SBNO2: variants seen among roughly 807,000 people sequenced by gnomAD.
The protein encoded by SBNO2 is strawberry notch homolog 2, also known as protein strawberry notch homolog 2.
A neutral mutation model predicts 146.3 loss-of-function variants in SBNO2; 89 were observed. The ratio of observed to expected loss-of-function variants is 0.61; its 90% CI spans 0.51 to 0.73. SBNO2 has a LOEUF of 0.73. SBNO2 is among the 30% of genes least tolerant of loss of function. The pLI is 0.00. For synonymous variants in SBNO2, 1,147 were observed against 892.6 expected, an observed-to-expected ratio of 1.29 and a Z score of -5.08; for missense variants, 2,092 against 2,003.7, an observed-to-expected ratio of 1.04 and a Z score of -0.84.
intron 2 of SBNO2, among the ~76,000 whole-genome samples, chr19:1,151,639 A>C (rs1441473448): frequency 6.6e-6 from 1 of 151,864 alleles, no homozygotes; most frequent in Non-Finnish European, 1.5e-5. Context: ...CTGCCCAGAC[A>C]ATCAGAGCCT....
Position 1,114,321 on chromosome 19 carries a change from G to A in SBNO2, c.1987C>T (p.Leu663=). 2 of 1,556,804 alleles carry A rather than the reference G, an allele frequency of 1.3e-6. No homozygotes were observed. Among genetic ancestry groups the A allele is most frequent in the Non-Finnish European group, 1.7e-6 (2 of 1,150,362 alleles). ...DDSSTESDPG[L]DSDFNSSPES... ...GGGGAGGAGTTGAAGTCGCTGTCCA[G>A]GCCAGGGTCCGACTCCGTGCTGCTG... Residue 663 remains leucine (L), a synonymous_variant, in exon 18 of 32, where the codon CTG becomes TTG. Coordinates refer to ENST00000361757, the MANE Select transcript of SBNO2 (RefSeq NM_014963.3).
intron 7 of SBNO2, 34 bp from the exon 8 acceptor site, chr19:1,123,079 G>T: frequency 6.3e-7 from 1 of 1,582,020 alleles, no homozygotes; most frequent in Non-Finnish European, 8.6e-7. Context: ...AAGGTAAAGG[G>T]TATGGCCAAG....
In SBNO2 at chr19:1,127,622, G is replaced by A. The variant is rs556748239; in HGVS notation, c.423C>T (p.Ala141=). ...QVSTIWDDNP[A]PSTHDKLFQL... ...CACTGACCTTATCGTGGGTGGAGGG[G>A]GCAGGGTTATCGTCCCAGATGGTGG... is the stretch of plus-strand genomic sequence containing the variant. The change falls in exon 5 of 32, where the codon GCC becomes GCT. Residue 141 remains alanine, a synonymous_variant. Coordinates refer to ENST00000361757, the MANE Select transcript of SBNO2 (RefSeq NM_014963.3). The A allele has an allele frequency of 2.0e-5, 32 of 1,613,098 alleles. No individual in the cohort carries two copies. The highest frequency in any genetic ancestry group is 1.1e-4 in the African/African-American group (8 of 75,062).
rs1355157759 is a variant in SBNO2 at position 1,108,394 on chromosome 19, G to C, written c.3927C>G (p.Asp1309Glu). The change falls in exon 32 of 32, where the codon GAC becomes GAG. Residue 1309 changes from aspartate (D) to glutamate (E), a missense_variant. Coordinates refer to ENST00000361757, the MANE Select transcript of SBNO2 (RefSeq NM_014963.3). The stretch of plus-strand genomic sequence containing the variant: ...CCTCCAGCACCTCCTTGAAGTTGAT[G>C]TCGCAGCCCTGGTGCGCGAGGGCCG... ...DPAALAHQGC[D>E]INFKEVLEDM... 3 of 1,284,124 alleles carry C rather than the reference G, an allele frequency of 2.3e-6. No individual in the cohort carries two copies. The highest frequency in any genetic ancestry group is 3.0e-6 in the Non-Finnish European group (3 of 1,009,790). The allele number at this position is 1,284,124 out of a possible 1,614,324, so 79.5% of individuals were successfully genotyped here.
chr19:1,113,700 G>C lies in SBNO2; in HGVS notation c.2082C>G (p.Pro694=), dbSNP rs1197703627. 1 of 1,551,908 alleles carries C rather than the reference G, an allele frequency of 6.4e-7. No homozygotes were observed. Among genetic ancestry groups the C allele is most frequent in the Non-Finnish European group, 8.7e-7 (1 of 1,151,526 alleles). The change falls in exon 19 of 32, where the codon CCC becomes CCG. Residue 694 remains proline (P), a synonymous_variant. Coordinates refer to ENST00000361757, the MANE Select transcript of SBNO2 (RefSeq NM_014963.3). ...AVGLPSDDRG[P]LCLLQRDPHG... ...GCGGGTCTCTCTGCAGGAGGCACAG[G>C]GGTCCTAGGGAGGAGGTGGAGGGTC...
chr19:1,122,515 G>T lies in SBNO2; in HGVS notation c.958C>A (p.Leu320Met). Reference sequence around the variant, plus strand: ...ATGCCCGTGGCTTCGATGTCCCGCAGGTCGCGCTCCGCATCGTACTTGAGG... The same window carrying T: ...ATGCCCGTGGCTTCGATGTCCCGCATGTCGCGCTCCGCATCGTACTTGAGG... ...NDLKYDAERDLRDIEATGIAV... is the reference protein window; with the variant it reads ...NDLKYDAERDMRDIEATGIAV... The change falls in exon 10 of 32, where the codon CTG (leucine) becomes ATG (methionine). Residue 320 changes from leucine (L) to methionine (M), a missense_variant. Physicochemically the swap from Leu to Met is conservative, Grantham distance 15. Coordinates refer to ENST00000361757, the MANE Select transcript of SBNO2 (RefSeq NM_014963.3). The T allele has an allele frequency of 7.7e-6, 12 of 1,566,926 alleles. No individual in the cohort carries two copies. The highest frequency in any genetic ancestry group is 1.0e-5 in the Non-Finnish European group (12 of 1,158,196).
At chr19:1,130,768 G>C (rs922834094) in intron 4 of SBNO2, among the ~76,000 whole-genome samples, 3 of 152,180 alleles carry the variant, frequency 2.0e-5, no homozygotes, top group African/African-American at 7.2e-5. Context: ...CACCAGCCTG[G>C]GTGACAGAGC....
Position 1,109,486 on chromosome 19 carries a change from G to C in SBNO2, c.3216+20C>G, listed in dbSNP as rs777876651. ...CCCCCGCGGGCCCTCCTCTGGGGGGGTAACCCCGCCCGACCCCACCTTGTA... is the reference window on the plus strand; with the variant it reads ...CCCCCGCGGGCCCTCCTCTGGGGGGCTAACCCCGCCCGACCCCACCTTGTA... On this transcript the variant is annotated intron_variant, in intron 28 of 31. Coordinates refer to ENST00000361757, the MANE Select transcript of SBNO2 (RefSeq NM_014963.3). The surrounding 1 kb of genome is among the most constrained non-coding windows in gnomAD (Gnocchi z 4.2). 3.8e-6 allele frequency: 6 copies of C among 1,581,428 alleles called. No homozygotes were observed. Among genetic ancestry groups the C allele is most frequent in the Non-Finnish European group, 5.1e-6 (6 of 1,165,494 alleles).
chr19:1,118,876 A>T, intron 14 of SBNO2, 135 bp downstream of exon 14: 1 of 893,608 alleles, frequency 1.1e-6, no homozygotes, highest in Non-Finnish European at 1.6e-6. Flanking sequence ...TCTCAAAAAA[A>T]CAACAAAAAA....
rs2080282728 is a variant in SBNO2, at chr19:1,155,543, TA to T, written c.-126-1142del. Among the ~76,000 whole-genome samples the T allele has an allele frequency of 2.6e-5, 4 of 152,294 alleles. No homozygotes were observed. In the South Asian group the frequency reaches 8.3e-4, roughly 32 times the overall value. ...CGACACCCTTGCCAGAACGGCCCTT[TA>T]GGGGAAGGGACAGGCCCGCTGGGAT... On this transcript the variant is annotated intron_variant, in intron 1 of 31. Transcript: ENST00000361757.
rs1419771887 is a variant in SBNO2 at position 1,110,609 on chromosome 19, C to T, written c.3028+136G>A. ...GAGCCCCTCGCCCACCCGGGATGCA[C>T]GGTGTTCCCACGAGCCCCTCGCCCA... On this transcript the variant is annotated intron_variant, in intron 26 of 31. Transcript: ENST00000361757. This position sits in a 1 kb window ranked among gnomAD's most constrained non-coding sequence, Gnocchi z 4.9. The T allele has an allele frequency of 1.5e-5, 16 of 1,059,076 alleles. No homozygotes were observed. Among genetic ancestry groups the T allele is most frequent in the East Asian group, 2.9e-5 (1 of 34,658 alleles). 65.6% of individuals were successfully genotyped at this position (1,059,076 alleles called of 1,614,324 possible). A position where few individuals can be genotyped will look rare whatever the true frequency, so the allele number is the denominator to read the frequency against.
chr19:1,167,518 G>A (rs1599888253), intron 1 of SBNO2, among the ~76,000 whole-genome samples: 1 of 152,198 alleles, frequency 6.6e-6, no homozygotes, highest in South Asian at 2.1e-4. Flanking sequence ...GGGGAGCCAC[G>A]TCCCCCATCA....
At position 1,136,971 on chromosome 19, in the gene SBNO2, AGGG is replaced by A. The variant is rs145686910; in HGVS notation, c.280-9209_280-9207del. Among the ~76,000 whole-genome samples the A allele has an allele frequency of 0.016, 2,494 of 151,456 alleles. 55 individuals are homozygous for A. Among genetic ancestry groups the A allele is most frequent in the African/African-American group, 0.057 (2,352 of 41,204 alleles). ...GTCCTCACAGGACAGGTGGTGGGCA[AGGG>A]GGCAGCACCTGGGGAATGGGGATGG... is the stretch of plus-strand genomic sequence containing the variant. On this transcript the variant is annotated intron_variant, in intron 4 of 31. Transcript: ENST00000361757. This position sits in a 1 kb window ranked among gnomAD's most constrained non-coding sequence, Gnocchi z 4.2.
intron 4 of SBNO2, among the ~76,000 whole-genome samples, chr19:1,131,055 T>C (rs1179234374): frequency 1.3e-5 from 2 of 152,146 alleles, no homozygotes; most frequent in African/African-American, 4.8e-5. Context: ...CCCCCCACAG[T>C]GGCTCCGTCC....
chr19:1,109,425 T>G lies in SBNO2; in HGVS notation c.3217-2A>C. Reference sequence around the variant, plus strand: ...GCAGCTGGGCTTGTTACCGCGGACCTGCGGAGGGGGGCGTTGAGGCCGCGC... The same window carrying G: ...GCAGCTGGGCTTGTTACCGCGGACCGGCGGAGGGGGGCGTTGAGGCCGCGC... On this transcript the variant is annotated splice_acceptor_variant, in intron 28 of 31. Transcript: ENST00000361757. LOFTEE classifies it high-confidence loss of function. The surrounding 1 kb of genome is among the most constrained non-coding windows in gnomAD (Gnocchi z 4.2). The G allele has an allele frequency of 6.4e-7, 1 of 1,564,378 alleles. No homozygotes were observed. Among genetic ancestry groups the G allele is most frequent in the Non-Finnish European group, 8.7e-7 (1 of 1,155,548 alleles).
chr19:1,158,067 G>A lies in SBNO2; in HGVS notation c.-126-3665C>T, dbSNP rs1168754091. The stretch of plus-strand genomic sequence containing the variant: ...CTCCTGAGTCCGGGTAACTGCGGCC[G>A]CCTCCCGCCTCTTTCTTCTGAGCCT... On this transcript the variant is annotated intron_variant, in intron 1 of 31. Coordinates refer to ENST00000361757, the MANE Select transcript of SBNO2 (RefSeq NM_014963.3). This position sits in a 1 kb window ranked among gnomAD's most constrained non-coding sequence, Gnocchi z 9.9. 1.4e-5 allele frequency among the ~76,000 whole-genome samples: 2 copies of A among 147,962 alleles called. No individual in the cohort carries two copies. The highest frequency in any genetic ancestry group is 2.4e-5 in the African/African-American group (1 of 41,072).
chr19:1,119,258 G>A lies in SBNO2; in HGVS notation c.1374-94C>T, dbSNP rs2079870009. The A allele has an allele frequency of 3.5e-6, 5 of 1,441,964 alleles. No individual in the cohort carries two copies. In the Admixed American group the frequency reaches 1.0e-4, roughly 30 times the overall value. 89.3% of individuals were successfully genotyped at this position (1,441,964 alleles called of 1,614,324 possible). A position where few individuals can be genotyped will look rare whatever the true frequency, so the allele number is the denominator to read the frequency against. ...GCAGAGCCAGTCGCAGAGAGGGCGG[G>A]GTCGGCAGGAGCAGAGCCCTGGCGG... On this transcript the variant is annotated intron_variant, in intron 13 of 31. Coordinates refer to ENST00000361757, the MANE Select transcript of SBNO2 (RefSeq NM_014963.3).
rs1599832361 is a variant in SBNO2 at position 1,117,062 on chromosome 19, C to T, written c.1705-136G>A. 13 of 856,668 alleles carry T rather than the reference C, an allele frequency of 1.5e-5. No individual in the cohort carries two copies. The East Asian group carries it at 3.5e-4, about 23-fold the overall frequency. The allele number at this position is 856,668 out of a possible 1,614,324, so 53.1% of individuals were successfully genotyped here. ...TCGCCTCCCCAGGAGGGGCCACGGC[C>T]CCCCTACAACACACACTGCTGGGTG... On this transcript the variant is annotated intron_variant, in intron 15 of 31. Coordinates refer to ENST00000361757, the MANE Select transcript of SBNO2 (RefSeq NM_014963.3).
chr19:1,138,631 CACAG>C (rs960403773), intron 4 of SBNO2, among the ~76,000 whole-genome samples: 13 of 151,964 alleles, frequency 8.6e-5, no homozygotes, highest in African/African-American at 2.4e-4. Context: ...ATCACGGACA[CACAG>C]ACAGACACAG....
Sources: gnomAD v4.1 joint callset for allele counts (sites outside exome capture counted in the v4.1 genomes callset) on GRCh38, gnomAD v4.1.1 for gene constraint, Gnocchi (gnomAD v3.1) non-coding constraint, MANE v1.5 for transcripts, NCBI Gene and HGNC (gene_info 2026-07-23, HGNC 2026-07-21) for gene names.